The following ARL6IP6 variants were observed in gnomAD, a reference collection of about 807,000 sequenced individuals.
The protein encoded by ARL6IP6 is ARF like GTPase 6 interacting protein 6, also known as ADP-ribosylation factor-like protein 6-interacting protein 6.
In ARL6IP6, 22 loss-of-function variants were observed where a neutral mutation model predicts 21.5. The ratio of observed to expected loss-of-function variants is 1.02; its 90% CI spans 0.73 to 1.46. The LOEUF (loss-of-function observed/expected upper bound fraction) is 1.46. Among genes scored for constraint, ARL6IP6 ranks in the 40% most tolerant of loss-of-function variants. The pLI is 0.00. For synonymous variants in ARL6IP6, 164 were observed against 125.3 expected (o/e 1.31, Z -2.06); for missense variants, 388 against 299.8 (o/e 1.29, Z -2.17).
At chr2:152,749,460 G>A (rs1366144586) in intron 3 of ARL6IP6, among the ~76,000 whole-genome samples, 1 of 152,112 alleles carries the variant, frequency 6.6e-6, no homozygotes, top group Non-Finnish European at 1.5e-5. Context: ...AGGTTTAGGT[G>A]TTTTACTTGG....
At chr2:152,756,726 A>G (rs1701611199) in intron 3 of ARL6IP6, among the ~76,000 whole-genome samples, 1 of 152,348 alleles carries the variant, frequency 6.6e-6, no homozygotes. Flanking sequence ...CCACTACAAC[A>G]TACTCTGCAG....
Position 152,761,795 on chromosome 2 carries a change from C to G in ARL6IP6, c.*1955C>G, listed in dbSNP as rs946586391. ...TAGCCTAGGTGTGTAGTAGGCTATA[C>G]CATCTAGGTTTGTGTAAGTATACTC... On this transcript the variant is annotated 3_prime_UTR_variant, in exon 4 of 4. Transcript: ENST00000326446. 1.3e-5 allele frequency among the ~76,000 whole-genome samples: 2 copies of G among 152,072 alleles called. No individual in the cohort carries two copies. Among genetic ancestry groups the G allele is most frequent in the African/African-American group, 4.8e-5 (2 of 41,392 alleles).
intron 3 of ARL6IP6, among the ~76,000 whole-genome samples, chr2:152,757,910 T>G (rs1043059419): frequency 6.6e-6 from 1 of 152,328 alleles, no homozygotes; most frequent in African/African-American, 2.4e-5. Flanking sequence ...TCTACCAACA[T>G]TGTAGTTGTC....
chr2:152,721,147 T>C (rs1184627029), intron 2 of ARL6IP6, among the ~76,000 whole-genome samples: 1 of 152,162 alleles, frequency 6.6e-6, no homozygotes, highest in Non-Finnish European at 1.5e-5. Flanking sequence ...CCACACACAC[T>C]AGTAATACAT....
At chr2:152,718,591 C>T, upstream of ARL6IP6, 1 of 1,501,632 alleles carries the variant, frequency 6.7e-7, no homozygotes, top group East Asian at 2.3e-5. Flanking sequence ...GTGGGAGAGG[C>T]TCGTTCTCCG....
chr2:152,749,945 A>G (rs962542812), intron 3 of ARL6IP6, among the ~76,000 whole-genome samples: 2 of 152,242 alleles, frequency 1.3e-5, no homozygotes, highest in Non-Finnish European at 2.9e-5. Flanking sequence ...GGTCAAATGA[A>G]GAGTCACATC....
At chr2:152,752,523 G>A (rs953333365) in intron 3 of ARL6IP6, among the ~76,000 whole-genome samples, 3 of 152,188 alleles carry the variant, frequency 2.0e-5, no homozygotes, top group Middle Eastern at 3.2e-3. Context: ...ACGAAGCAGC[G>A]ACAGCAGGGA....
intron 3 of ARL6IP6, among the ~76,000 whole-genome samples, chr2:152,751,666 T>A (rs1701338885): frequency 6.6e-6 from 1 of 152,182 alleles, no homozygotes; most frequent in Non-Finnish European, 1.5e-5. Context: ...TCACTTAATG[T>A]CCCCCAGACT....
chr2:152,737,482 G>A (rs1228001317), intron 3 of ARL6IP6, among the ~76,000 whole-genome samples: 1 of 152,128 alleles, frequency 6.6e-6, no homozygotes, highest in Non-Finnish European at 1.5e-5. Flanking sequence ...GTATTAGTCT[G>A]TTCTCATGCT....
At chr2:152,732,701 C>T (rs567581690) in intron 2 of ARL6IP6, 21 of 281,518 alleles carry the variant, frequency 7.5e-5, no homozygotes, top group South Asian at 6.5e-4. Context: ...GGAATTGGTT[C>T]CAGGACCCCC....
chr2:152,729,026 C>A (rs1700174933), intron 2 of ARL6IP6, among the ~76,000 whole-genome samples: 1 of 146,612 alleles, frequency 6.8e-6, no homozygotes, highest in Admixed American at 6.9e-5. Flanking sequence ...CCACTGCACT[C>A]AGCCTGGCAA....
intron 3 of ARL6IP6, among the ~76,000 whole-genome samples, chr2:152,741,461 T>C (rs1700805723): frequency 6.6e-6 from 1 of 152,084 alleles, no homozygotes. Flanking sequence ...ATATTTACTG[T>C]GACTATCAAT....
chr2:152,722,622 G>A (rs1324051032), intron 2 of ARL6IP6, among the ~76,000 whole-genome samples: 1 of 152,166 alleles, frequency 6.6e-6, no homozygotes, highest in Non-Finnish European at 1.5e-5. Context: ...GAGGTGATCG[G>A]CCACGCGCGG....
intron 2 of ARL6IP6, among the ~76,000 whole-genome samples, chr2:152,725,650 C>CA (rs199555084): frequency 0.019 from 2,624 of 136,730 alleles, 78 homozygotes; most frequent in African/African-American, 0.064. Context: ...GACGCAAGTG[C>CA]AAAAAAAAAA....
upstream of ARL6IP6, chr2:152,717,787 G>C: frequency 8.3e-7 from 1 of 1,200,494 alleles, no homozygotes; most frequent in South Asian, 1.9e-5. Context: ...GTGGGGGTCT[G>C]CCACCTTCAC....
At chr2:152,720,654 T>A in intron 2 of ARL6IP6, 68 bp downstream of exon 2, 1 of 1,367,954 alleles carries the variant, frequency 7.3e-7, no homozygotes, top group Non-Finnish European at 1.0e-6. Context: ...ATGTTTGAAC[T>A]AACTCTGGGA....
rs927375134 is a variant in ARL6IP6 at position 152,761,902 on chromosome 2, A to G, written c.*2062A>G. On this transcript the variant is annotated 3_prime_UTR_variant, in exon 4 of 4. Transcript: ENST00000326446. Reference sequence around the variant, plus strand: ...GTCATTAAGCCAAACATGACTATATATACCTACAAGATATATATTAATATA... The same window carrying G: ...GTCATTAAGCCAAACATGACTATATGTACCTACAAGATATATATTAATATA... 1.3e-5 allele frequency among the ~76,000 whole-genome samples: 2 copies of G among 152,176 alleles called. No homozygotes were observed. Among genetic ancestry groups the G allele is most frequent in the Non-Finnish European group, 2.9e-5 (2 of 68,034 alleles).
rs752351992 is a variant in ARL6IP6 at position 152,720,593 on chromosome 2, A to G, written c.454+7A>G. 2 of 1,611,706 alleles carry G rather than the reference A, an allele frequency of 1.2e-6. No homozygotes were observed. Among genetic ancestry groups the G allele is most frequent in the Admixed American group, 1.7e-5 (1 of 59,606 alleles). On this transcript the variant is annotated splice_region_variant and intron_variant, in intron 2 of 3. Coordinates refer to ENST00000326446, the MANE Select transcript of ARL6IP6 (RefSeq NM_152522.7). ...GTAGACACTGGACTATTAGGTATGG[A>G]CTTAATTGCCGCTTGCTTTGGTTTT... is the stretch of plus-strand genomic sequence containing the variant.
chr2:152,741,335 T>A (rs1375557902), intron 3 of ARL6IP6, among the ~76,000 whole-genome samples: 4 of 151,948 alleles, frequency 2.6e-5, no homozygotes, highest in Non-Finnish European at 1.5e-5. Flanking sequence ...GTAAAATAAA[T>A]CATATATAAC....
Sources: gnomAD v4.1 joint callset for allele counts (sites outside exome capture counted in the v4.1 genomes callset) on GRCh38, gnomAD v4.1.1 for gene constraint, MANE v1.5 for transcripts, NCBI Gene and HGNC (gene_info 2026-07-23, HGNC 2026-07-21) for gene names.